The following RABGAP1L variants were observed in gnomAD, a reference collection of about 807,000 sequenced individuals.
RABGAP1L encodes the protein rab GTPase-activating protein 1-like.
RABGAP1L carries 63 observed loss-of-function variants against 137.7 expected under a neutral mutation model. The ratio of observed to expected loss-of-function variants is 0.46; its 90% CI spans 0.37 to 0.56. The LOEUF (loss-of-function observed/expected upper bound fraction) is 0.56, where lower values mean the gene tolerates loss of function less well. Among genes scored for constraint, RABGAP1L ranks in the 20% least tolerant of loss-of-function variants. The pLI is 0.00. For synonymous variants in RABGAP1L, 431 were observed against 433.7 expected (o/e 0.99, Z 0.08); for missense variants, 1,095 against 1,244.0 (o/e 0.88, Z 1.80).
intron 13 of RABGAP1L, among the ~76,000 whole-genome samples, chr1:174,452,750 C>T (rs1330365014): frequency 2.0e-5 from 3 of 151,790 alleles, no homozygotes; most frequent in African/African-American, 7.3e-5. Flanking sequence ...TTTAGTAGAG[C>T]CGGGGTTTCG....
chr1:174,723,504 GAAT>G, intron 17 of RABGAP1L, among the ~76,000 whole-genome samples: 1 of 152,262 alleles, frequency 6.6e-6, no homozygotes, highest in African/African-American at 2.4e-5. Context: ...TAAACTGGGA[GAAT>G]AACTACTGTT....
chr1:174,494,675 T>C (rs1228393290), intron 13 of RABGAP1L, among the ~76,000 whole-genome samples: 2 of 152,182 alleles, frequency 1.3e-5, no homozygotes, highest in African/African-American at 4.8e-5. Context: ...TCTGGTCTTT[T>C]AGAATGTCAT....
chr1:174,620,983 A>G (rs563550037), intron 13 of RABGAP1L, among the ~76,000 whole-genome samples: 2 of 152,334 alleles, frequency 1.3e-5, no homozygotes, highest in African/African-American at 2.4e-5. Flanking sequence ...AATACAAACT[A>G]CCATCAGAGA....
At chr1:174,509,980 G>T (rs1173959121) in intron 13 of RABGAP1L, among the ~76,000 whole-genome samples, 1 of 152,120 alleles carries the variant, frequency 6.6e-6, no homozygotes, top group Admixed American at 6.5e-5. Context: ...CTCTTGCCAG[G>T]AGTATAGCAG....
intron 13 of RABGAP1L, among the ~76,000 whole-genome samples, chr1:174,397,812 A>G (rs1200378892): frequency 1.3e-5 from 2 of 152,132 alleles, no homozygotes; most frequent in South Asian, 4.2e-4. Flanking sequence ...ATCAGCCACA[A>G]TTTGGGGGTT....
At chr1:174,652,488 G>A (rs1450842517) in intron 14 of RABGAP1L, among the ~76,000 whole-genome samples, 1 of 152,136 alleles carries the variant, frequency 6.6e-6, no homozygotes, top group South Asian at 2.1e-4. Context: ...GCGTTTTTGC[G>A]TGGATGTCCT....
intron 13 of RABGAP1L, among the ~76,000 whole-genome samples, chr1:174,634,361 A>G (rs367545531): frequency 1.2e-3 from 98 of 84,312 alleles, no homozygotes; most frequent in African/African-American, 7.9e-3. Context: ...TTAGAATGGC[A>G]ATCATTAAAA....
At chr1:174,815,668 A>G (rs1047160976) in intron 19 of RABGAP1L, among the ~76,000 whole-genome samples, 13 of 152,240 alleles carry the variant, frequency 8.5e-5, no homozygotes, top group African/African-American at 2.9e-4. Flanking sequence ...CTGTGAGTGT[A>G]CCAACAAGAT....
At chr1:174,400,053 A>C (rs1470088067) in intron 13 of RABGAP1L, among the ~76,000 whole-genome samples, 1 of 152,210 alleles carries the variant, frequency 6.6e-6, no homozygotes, top group Non-Finnish European at 1.5e-5. Context: ...CCCACAAATC[A>C]CATTCTGAAG....
intron 10 of RABGAP1L, among the ~76,000 whole-genome samples, chr1:174,297,990 C>T (rs1196784727): frequency 1.3e-5 from 2 of 152,030 alleles, no homozygotes; most frequent in African/African-American, 2.4e-5. Flanking sequence ...ATCCGAGGGA[C>T]GTGTCCCATA....
intron 11 of RABGAP1L, among the ~76,000 whole-genome samples, chr1:174,357,613 G>A (rs1683748404): frequency 6.6e-6 from 1 of 152,124 alleles, no homozygotes; most frequent in Non-Finnish European, 1.5e-5. Flanking sequence ...ATGTATTATA[G>A]TAGAAGTCTA....
intron 1 of RABGAP1L, among the ~76,000 whole-genome samples, chr1:174,173,200 G>A (rs536733950): frequency 6.6e-6 from 1 of 151,096 alleles, no homozygotes; most frequent in Non-Finnish European, 1.5e-5. Flanking sequence ...GCATGGTCTC[G>A]GTTCACCGTA....
Position 174,597,016 on chromosome 1 carries a change from A to G in RABGAP1L, c.1711-40359A>G, listed in dbSNP as rs555524098. ...TTCATTCTTTTTATATGATGTTTATATTGATTGATTTGCATATGTTGAACC... is the reference window on the plus strand; with the variant it reads ...TTCATTCTTTTTATATGATGTTTATGTTGATTGATTTGCATATGTTGAACC... On this transcript the variant is annotated intron_variant, in intron 13 of 25. Coordinates refer to ENST00000681986, the MANE Select transcript of RABGAP1L (RefSeq NM_001366446.1). Among the ~76,000 whole-genome samples the G allele has an allele frequency of 8.5e-5, 13 of 152,150 alleles. 1 individual carries two copies. The South Asian group carries it at 2.5e-3, about 29-fold the overall frequency.
chr1:174,161,568 G>C lies in RABGAP1L; in HGVS notation c.-34+1911G>C, dbSNP rs539546390. Among the ~76,000 whole-genome samples, 33 of 152,154 alleles carry C rather than the reference G, an allele frequency of 2.2e-4. 1 individual carries two copies. Among genetic ancestry groups the C allele is most frequent in the African/African-American group, 7.7e-4 (32 of 41,492 alleles). On this transcript the variant is annotated intron_variant, in intron 1 of 25. Transcript: ENST00000681986. ...GATGTGTACTAGTAAGTCATATGGG[G>C]AGAAGTAGATGAAATAGGGTAGAGC...
At chr1:174,685,067 C>T (rs902819960) in intron 15 of RABGAP1L, among the ~76,000 whole-genome samples, 1 of 152,050 alleles carries the variant, frequency 6.6e-6, no homozygotes, top group Non-Finnish European at 1.5e-5. Context: ...AATTAAGAAA[C>T]ATTCAGGGAG....
At position 174,494,990 on chromosome 1, in the gene RABGAP1L, C is replaced by T. The variant is rs1660609017; in HGVS notation, c.1710+100845C>T. Among the ~76,000 whole-genome samples, 5 of 152,254 alleles carry T rather than the reference C, an allele frequency of 3.3e-5. No homozygotes were observed. In the South Asian group the frequency reaches 8.3e-4, roughly 25 times the overall value. On this transcript the variant is annotated intron_variant, in intron 13 of 25. Coordinates refer to ENST00000681986, the MANE Select transcript of RABGAP1L (RefSeq NM_001366446.1). ...ACACCTTTGGTAAGAAAATAATTTA[C>T]CTTCTAGCATTGACCCCCTTATCAA...
intron 17 of RABGAP1L, among the ~76,000 whole-genome samples, chr1:174,740,894 T>A (rs766325422): frequency 6.6e-6 from 1 of 152,180 alleles, no homozygotes; most frequent in Non-Finnish European, 1.5e-5. Flanking sequence ...TTCATATACT[T>A]TGCCCAAGTA....
chr1:174,208,571 G>A (rs1668658279), intron 1 of RABGAP1L, among the ~76,000 whole-genome samples: 1 of 152,108 alleles, frequency 6.6e-6, no homozygotes, highest in Admixed American at 6.5e-5. Context: ...CTATTGATAT[G>A]TAGGGTGACA....
chr1:174,265,816 G>A (rs1205870353), intron 7 of RABGAP1L, among the ~76,000 whole-genome samples: 1 of 151,590 alleles, frequency 6.6e-6, no homozygotes, highest in Non-Finnish European at 1.5e-5. Context: ...TAAAAAAAGT[G>A]GACCTAAGAT....
Sources: allele counts gnomAD v4.1 joint callset (sites outside exome capture counted in the v4.1 genomes callset), GRCh38; gene constraint gnomAD v4.1.1; transcripts MANE v1.5; gene names NCBI Gene and HGNC (gene_info 2026-07-23, HGNC 2026-07-21).